Variants in LRRFIP2 observed in about 807,000 individuals in gnomAD.
The protein encoded by LRRFIP2 is leucine-rich repeat flightless-interacting protein 2.
Under a neutral mutation model 125.9 loss-of-function variants are expected in LRRFIP2, and 109 were observed. The ratio of observed to expected loss-of-function variants is 0.87; its 90% CI spans 0.74 to 1.01. LRRFIP2 has a LOEUF of 1.01. Among genes scored for constraint, LRRFIP2 ranks in the 50% least tolerant of loss-of-function variants. LRRFIP2 has a pLI of 0.00. For missense variants in LRRFIP2, 850 were observed against 862.3 expected (o/e 0.99, Z 0.18); for synonymous variants, 291 against 293.1 (o/e 0.99, Z 0.07).
chr3:37,159,271 C>A (rs2096274053), intron 1 of LRRFIP2, among the ~76,000 whole-genome samples: 1 of 152,164 alleles, frequency 6.6e-6, no homozygotes, highest in Admixed American at 6.5e-5. Context: ...TACCTTGCCA[C>A]CCTTGTCAAA....
rs181851093 is a variant in LRRFIP2 at position 37,095,323 on chromosome 3, T to C, written c.919-415A>G. ...ATTTCTGAACTGCTTATCAATCTCT[T>C]CTTTCTCTAATACTCTGTTGAGTTG... On this transcript the variant is annotated intron_variant, in intron 16 of 27. Coordinates refer to ENST00000336686, the MANE Select transcript of LRRFIP2 (RefSeq NM_006309.4). Among the ~76,000 whole-genome samples, 554 of 152,280 alleles carry C rather than the reference T, an allele frequency of 3.6e-3. 3 individuals are homozygous for C. Among genetic ancestry groups the C allele is most frequent in the African/African-American group, 0.013 (541 of 41,506 alleles).
At chr3:37,171,281 G>A (rs1231430566) in intron 1 of LRRFIP2, among the ~76,000 whole-genome samples, 1 of 152,124 alleles carries the variant, frequency 6.6e-6, no homozygotes, top group Non-Finnish European at 1.5e-5. Context: ...ATCCTAAACC[G>A]CAGGCCTTCC....
intron 1 of LRRFIP2, among the ~76,000 whole-genome samples, chr3:37,153,863 A>G (rs1448752757): frequency 6.6e-6 from 1 of 152,116 alleles, no homozygotes; most frequent in Non-Finnish European, 1.5e-5. Context: ...TACCTTTTTC[A>G]GTTCACATGA....
rs1553700054 is a variant in LRRFIP2 at position 37,072,814 on chromosome 3, A to G, written c.1440T>C (p.Leu480=). The part of the protein sequence containing the change: ...TKEVFDLQET[L]LWKDKKIGAL... ...CCCCAATTTTTTTATCTTTCCAAAG[A>G]AGTGTCTCCTGGAGGTCAAACACCT... is the stretch of plus-strand genomic sequence containing the variant. The change falls in exon 21 of 28, where the codon CTT becomes CTC. Residue 480 remains leucine, a synonymous_variant. Transcript: ENST00000336686. The G allele has an allele frequency of 1.9e-6, 3 of 1,613,100 alleles. No homozygotes were observed. The South Asian group carries it at 3.3e-5, about 18-fold the overall frequency.
intron 1 of LRRFIP2, among the ~76,000 whole-genome samples, chr3:37,173,889 C>T (rs1338009391): frequency 6.6e-6 from 1 of 152,178 alleles, no homozygotes; most frequent in Non-Finnish European, 1.5e-5. Context: ...CTTTTCCTTT[C>T]GTTAACGGAG....
chr3:37,162,752 T>C (rs2150267048), intron 1 of LRRFIP2, among the ~76,000 whole-genome samples: 2 of 152,266 alleles, frequency 1.3e-5, no homozygotes, highest in Admixed American at 1.3e-4. Context: ...ATTGGAGCAA[T>C]ATGACTCAAG....
rs1025153390 is a variant in LRRFIP2 at position 37,052,820 on chromosome 3, T to C, written c.*1031A>G. 5 of 152,168 alleles carry C rather than the reference T, an allele frequency of 3.3e-5. No individual in the cohort carries two copies. Among genetic ancestry groups the C allele is most frequent in the Admixed American group, 3.3e-4 (5 of 15,278 alleles). 9.4% of individuals were successfully genotyped at this position (152,168 alleles called of 1,614,324 possible). A position where few individuals can be genotyped will look rare whatever the true frequency, so the allele number is the denominator to read the frequency against. ...AAAGAGAATCATAAATTCTGCAAAG[T>C]AGTTGCACTCCATGATTTTAAAAAA... On this transcript the variant is annotated 3_prime_UTR_variant, in exon 28 of 28. Transcript: ENST00000336686.
At chr3:37,063,626 A>T in intron 24 of LRRFIP2, 116 bp downstream of exon 24, 1 of 775,750 alleles carries the variant, frequency 1.3e-6, no homozygotes, top group Non-Finnish European at 2.3e-6. Context: ...TTCATATCTC[A>T]CTTGAGTACT....
intron 3 of LRRFIP2, 146 bp from the exon 4 acceptor site, chr3:37,127,826 T>C (rs1276671589): frequency 6.1e-6 from 4 of 658,920 alleles, no homozygotes; most frequent in Non-Finnish European, 1.1e-5. Flanking sequence ...ATTAGTAAGC[T>C]AAATATGTTC....
At chr3:37,143,011 C>T (rs1219043357) in intron 2 of LRRFIP2, among the ~76,000 whole-genome samples, 1 of 152,090 alleles carries the variant, frequency 6.6e-6, no homozygotes. Flanking sequence ...AGTAAGTTCT[C>T]GTGAGATCTG....
At chr3:37,155,532 A>G (rs1181447620) in intron 1 of LRRFIP2, among the ~76,000 whole-genome samples, 1 of 152,240 alleles carries the variant, frequency 6.6e-6, no homozygotes, top group Non-Finnish European at 1.5e-5. Context: ...TTGTATTCAA[A>G]GTTTACTTCT....
At chr3:37,054,270 G>A in intron 27 of LRRFIP2, 141 bp downstream of exon 27, 1 of 672,046 alleles carries the variant, frequency 1.5e-6, no homozygotes, top group Non-Finnish European at 2.5e-6. Context: ...CACTATGCAG[G>A]TCAAAAACCA....
chr3:37,167,759 G>A (rs1030998018), intron 1 of LRRFIP2, among the ~76,000 whole-genome samples: 4 of 152,066 alleles, frequency 2.6e-5, no homozygotes, highest in Non-Finnish European at 5.9e-5. Flanking sequence ...CAAGGCTGGC[G>A]GAGCTCAGGA....
At position 37,096,618 on chromosome 3, in the gene LRRFIP2, T is replaced by C; in HGVS notation, c.916A>G (p.Arg306Gly). 1 of 1,556,178 alleles carries C rather than the reference T, an allele frequency of 6.4e-7. No homozygotes were observed. The highest frequency in any genetic ancestry group is 8.8e-7 in the Non-Finnish European group (1 of 1,134,712). Reference sequence around the variant, plus strand: ...CCCTTAGGAATTTACATACTCACTCTTGTATAATTTTCAGCATACTGTTTG... The same window carrying C: ...CCCTTAGGAATTTACATACTCACTCCTGTATAATTTTCAGCATACTGTTTG... ...SDKQYAENYT[R>G]PSSRNSASAT... Residue 306 changes from arginine to glycine, a missense_variant and splice_region_variant, in exon 16 of 28, where the codon AGA (arginine) becomes GGA (glycine). By Grantham distance (125) the Arg-to-Gly change is moderately radical. Transcript: ENST00000336686.
At chr3:37,120,627 T>C (rs989128789) in intron 6 of LRRFIP2, among the ~76,000 whole-genome samples, 3 of 152,030 alleles carry the variant, frequency 2.0e-5, no homozygotes, top group Non-Finnish European at 4.4e-5. Context: ...GAGTCTATTT[T>C]TATCATTTAT....
At chr3:37,101,510 C>T (rs2094044230) in intron 15 of LRRFIP2, among the ~76,000 whole-genome samples, 1 of 151,586 alleles carries the variant, frequency 6.6e-6, no homozygotes, top group African/African-American at 2.4e-5. Flanking sequence ...ACAAAAAATA[C>T]AAAAATTAGC....
rs540843264 is a variant in LRRFIP2, at chr3:37,150,066, A to G, written c.-55-1028T>C. 8.5e-5 allele frequency among the ~76,000 whole-genome samples: 13 copies of G among 152,276 alleles called. 1 individual carries two copies. Among genetic ancestry groups the G allele is most frequent in the South Asian group, 6.2e-4 (3 of 4,822 alleles). On this transcript the variant is annotated intron_variant, in intron 1 of 27. Coordinates refer to ENST00000336686, the MANE Select transcript of LRRFIP2 (RefSeq NM_006309.4). ...CATATAAAAGAAAAAATGAAGGTTT[A>G]TTACTCTGCAATTAACAATAACCAA...
chr3:37,170,556 G>A (rs1578123346), intron 1 of LRRFIP2: 1 of 152,200 alleles, frequency 6.6e-6, no homozygotes, highest in East Asian at 1.9e-4. Flanking sequence ...TAATCCTGTA[G>A]CATAGTCCAT....
chr3:37,167,356 CAG>C (rs2150359926), intron 1 of LRRFIP2, among the ~76,000 whole-genome samples: 2 of 152,032 alleles, frequency 1.3e-5, no homozygotes, highest in African/African-American at 4.8e-5. Flanking sequence ...TGTTAGAAAA[CAG>C]GGCCAGGCAC....
Sources: allele counts gnomAD v4.1 joint callset (sites outside exome capture counted in the v4.1 genomes callset), GRCh38; gene constraint gnomAD v4.1.1; transcripts MANE v1.5; gene names NCBI Gene and HGNC (gene_info 2026-07-23, HGNC 2026-07-21).